Variants in IL31RA observed in about 807,000 individuals in gnomAD.
IL31RA encodes interleukin-31 receptor subunit alpha.
Under a neutral mutation model 83.7 loss-of-function variants are expected in IL31RA, and 66 were observed. The ratio of observed to expected loss-of-function variants is 0.79; its 90% confidence interval spans 0.65 to 0.97. IL31RA has a LOEUF of 0.97. IL31RA is among the 50% of genes least tolerant of loss of function. IL31RA has a pLI of 0.00. For synonymous variants in IL31RA, 325 were observed against 329.0 expected, an observed-to-expected ratio of 0.99 and a Z score of 0.13; for missense variants, 798 against 919.4, an observed-to-expected ratio of 0.87 and a Z score of 1.71.
At chr5:55,909,019 C>G in intron 11 of IL31RA, 1 of 441,898 alleles carries the variant, frequency 2.3e-6, no homozygotes, top group African/African-American at 2.1e-5. Context: ...CAAATAGAAG[C>G]CCTATACCCA....
Position 55,883,114 on chromosome 5 carries a change from A to G in IL31RA, c.525A>G (p.Glu175=), listed in dbSNP as rs373514866. The G allele has an allele frequency of 4.3e-6, 7 of 1,613,946 alleles. No individual in the cohort carries two copies. Residue 175 remains glutamate (E), a synonymous_variant, in exon 5 of 15, where the codon GAA becomes GAG. Coordinates refer to ENST00000652347, the MANE Select transcript of IL31RA (RefSeq NM_139017.7). ...VLGIKRMIQI[E]WIKPELAPVS... is the part of the protein sequence containing the mutation. The stretch of plus-strand genomic sequence containing the variant: ...GCATCAAACGAATGATTCAAATTGA[A>G]TGGATAAAGCCTGAGTTGGCGCCTG...
chr5:55,840,179 C>T, the IL31RA span, among the ~76,000 whole-genome samples: 2 of 152,212 alleles, frequency 1.3e-5, no homozygotes, highest in African/African-American at 4.8e-5. Flanking sequence ...GGAAATACTA[C>T]ATAATGGAGT....
the IL31RA span, among the ~76,000 whole-genome samples, chr5:55,840,628 T>C: frequency 6.6e-6 from 1 of 152,244 alleles, no homozygotes; most frequent in Admixed American, 6.5e-5. Context: ...GTTCTTGGAA[T>C]AGTAAATTTC....
At chr5:55,886,135 C>G (rs905279666) in intron 5 of IL31RA, among the ~76,000 whole-genome samples, 1 of 152,126 alleles carries the variant, frequency 6.6e-6, no homozygotes, top group Non-Finnish European at 1.5e-5. Context: ...CACATCTGTA[C>G]TCATCTTTGC....
chr5:55,916,552 TG>T, intron 14 of IL31RA, 91 bp from the exon 15 acceptor site: 1 of 1,053,808 alleles, frequency 9.5e-7, no homozygotes, highest in Non-Finnish European at 1.5e-6. Context: ...GTTCCAGAGA[TG>T]GGCATTTGCT....
Position 55,916,810 on chromosome 5 carries a change from A to G in IL31RA, c.1985A>G (p.Asn662Ser). Residue 662 changes from asparagine to serine, a missense_variant, in exon 15 of 15, where the codon AAC becomes AGC. Coordinates refer to ENST00000652347, the MANE Select transcript of IL31RA (RefSeq NM_139017.7). The stretch of plus-strand genomic sequence containing the variant: ...GATGAAGCCAGAACGGGTCAGGAAA[A>G]CAATTTAGGAGGGGAAAAGAATGGG... Reference protein sequence around the residue: ...FTDEARTGQENNLGGEKNGYV... With the variant: ...FTDEARTGQESNLGGEKNGYV... 1 of 1,614,176 alleles carries G rather than the reference A, an allele frequency of 6.2e-7. No homozygotes were observed. Among genetic ancestry groups the G allele is most frequent in the African/African-American group, 1.3e-5 (1 of 75,032 alleles).
chr5:55,889,877 C>T, intron 5 of IL31RA, 93 bp from the exon 6 acceptor site: 1 of 1,127,284 alleles, frequency 8.9e-7, no homozygotes, highest in Admixed American at 1.7e-5. Flanking sequence ...GTTACTAGTT[C>T]TAAAAATGTA....
chr5:55,851,407 G>T lies in IL31RA; in HGVS notation c.-164G>T. The T allele has an allele frequency of 1.7e-6, 2 of 1,210,456 alleles. No individual in the cohort carries two copies. The highest frequency in any genetic ancestry group is 2.3e-6 in the Non-Finnish European group (2 of 851,502). 75.0% of individuals were successfully genotyped at this position (1,210,456 alleles called of 1,614,324 possible). On this transcript the variant is annotated 5_prime_UTR_variant, in exon 1 of 15. Coordinates refer to ENST00000652347, the MANE Select transcript of IL31RA (RefSeq NM_139017.7). ...CAGACAGCACTCCAGCACTCTGCTTGGGGGGCATTCGAAACAGCAAAATCA... is the reference window on the plus strand; with the variant it reads ...CAGACAGCACTCCAGCACTCTGCTTTGGGGGCATTCGAAACAGCAAAATCA...
At chr5:55,886,311 G>C (rs1331822749) in intron 5 of IL31RA, among the ~76,000 whole-genome samples, 7 of 84,700 alleles carry the variant, frequency 8.3e-5, no homozygotes, top group Non-Finnish European at 1.5e-4. Context: ...TTTCACTCTT[G>C]TTGCCCAGGC....
chr5:55,864,311 A>C (rs1021687427), intron 2 of IL31RA, among the ~76,000 whole-genome samples: 3 of 147,706 alleles, frequency 2.0e-5, no homozygotes, highest in Non-Finnish European at 4.5e-5. Context: ...ACACACACAC[A>C]CCACACATAT....
intron 3 of IL31RA, among the ~76,000 whole-genome samples, chr5:55,870,657 GGCCTCAGGCCAGCTAGGCTGTCTAGA>G (rs1396106403): frequency 2.8e-4 from 42 of 152,286 alleles, no homozygotes; most frequent in African/African-American, 8.7e-4. Flanking sequence ...TCCCCTTGAT[GGCCTCAGGCCAGCTAGGCTGTCTAGA>G]ACTCCTAGGC....
chr5:55,874,282 C>A (rs1260046942), intron 4 of IL31RA, among the ~76,000 whole-genome samples: 2 of 152,064 alleles, frequency 1.3e-5, no homozygotes, highest in African/African-American at 4.8e-5. Context: ...TGTAATTAGG[C>A]CAATACCACA....
chr5:55,840,719 T>C, the IL31RA span, among the ~76,000 whole-genome samples: 4 of 152,234 alleles, frequency 2.6e-5, no homozygotes, highest in African/African-American at 4.8e-5. Flanking sequence ...TGTACATCTG[T>C]CTATTCATTT....
At chr5:55,890,817 T>C (rs143009680) in intron 6 of IL31RA, among the ~76,000 whole-genome samples, 1 of 152,322 alleles carries the variant, frequency 6.6e-6, no homozygotes, top group East Asian at 1.9e-4. Context: ...GAAAGAGGCA[T>C]GGATTGCAGG....
chr5:55,884,775 C>T (rs1747476889), intron 5 of IL31RA, among the ~76,000 whole-genome samples: 1 of 152,102 alleles, frequency 6.6e-6, no homozygotes, highest in African/African-American at 2.4e-5. Context: ...GACTTTTTAC[C>T]TCCTGAAGAC....
At chr5:55,910,421 A>T (rs529341922) in intron 11 of IL31RA, 111 bp from the exon 12 acceptor site, 1 of 1,196,164 alleles carries the variant, frequency 8.4e-7, no homozygotes, top group African/African-American at 1.5e-5. Flanking sequence ...TCAGAATATG[A>T]GACAGCTGAG....
chr5:55,917,079 G>T lies in IL31RA; in HGVS notation c.2254G>T (p.Val752Leu). The T allele has an allele frequency of 6.2e-7, 1 of 1,614,184 alleles. No individual in the cohort carries two copies. Residue 752 changes from valine to leucine, a missense_variant, in exon 15 of 15, where the codon GTG becomes TTG. Val to Leu is a conservative substitution (Grantham distance 32). Transcript: ENST00000652347. ...TTCAGTGACAGCCAGGGAATTTCTT[G>T]TGTCTGAAAAACTTCCAGAGCACAC... ...KNSVTAREFL[V>L]SEKLPEHTKG...
rs1477576433 is a variant in IL31RA at position 55,867,300 on chromosome 5, T to TGC, written c.155-1490_155-1489insCG. Among the ~76,000 whole-genome samples, 637 of 80,650 alleles carry TGC rather than the reference T, an allele frequency of 7.9e-3. 10 individuals are homozygous for TGC. The highest frequency in any genetic ancestry group is 0.043 in the African/African-American group (586 of 13,568). 52.9% of individuals were successfully genotyped at this position (80,650 alleles called of 152,430 possible). A position where few individuals can be genotyped will look rare whatever the true frequency, so the allele number is the denominator to read the frequency against. On this transcript the variant is annotated intron_variant, in intron 2 of 14. Coordinates refer to ENST00000652347, the MANE Select transcript of IL31RA (RefSeq NM_139017.7). The stretch of plus-strand genomic sequence containing the variant: ...GTGCATGTGTGTGTGCATGTGTGTG[T>TGC]GTGCGTGTGTGTGTGTGCGTGTGTG...
intron 6 of IL31RA, among the ~76,000 whole-genome samples, chr5:55,896,089 G>A (rs772876295): frequency 5.3e-5 from 8 of 152,216 alleles, no homozygotes; most frequent in Non-Finnish European, 1.0e-4. Flanking sequence ...TTACAATGGG[G>A]CCTATTATAC....
Sources: gnomAD v4.1 joint callset for allele counts (sites outside exome capture counted in the v4.1 genomes callset) on GRCh38, gnomAD v4.1.1 for gene constraint, MANE v1.5 for transcripts, NCBI Gene and HGNC (gene_info 2026-07-23, HGNC 2026-07-21) for gene names.